LMTK3: variants seen among roughly 807,000 people sequenced by gnomAD.
LMTK3 encodes serine/threonine-protein kinase LMTK3.
In LMTK3, 27 loss-of-function variants were observed where a neutral mutation model predicts 116.7. The ratio of observed to expected loss-of-function variants is 0.23; its 90% CI spans 0.17 to 0.32. The LOEUF (loss-of-function observed/expected upper bound fraction) is 0.32, where lower values mean the gene tolerates loss of function less well. LMTK3 is among the 10% of genes least tolerant of loss of function. The pLI, the probability that LMTK3 is intolerant of heterozygous loss-of-function variation, is 1.00. For synonymous variants in LMTK3, 965 were observed against 971.0 expected (o/e 0.99, Z 0.11); for missense variants, 1,764 against 2,068.5 (o/e 0.85, Z 2.86).
At position 48,497,991 on chromosome 19, in the gene LMTK3, G is replaced by C; in HGVS notation, c.3078C>G (p.Ala1026=). ...CGGGCGTCTTCTCCCAGGGCCCTGGGGCTCTCCAAGGCCCAGTCTCTGGTG... is the reference window on the plus strand; with the variant it reads ...CGGGCGTCTTCTCCCAGGGCCCTGGCGCTCTCCAAGGCCCAGTCTCTGGTG... The part of the protein sequence containing the change: ...ERPPETGPWR[A]PGPWEKTPES... The change falls in exon 11 of 15, where the codon GCC becomes GCG. Residue 1026 remains alanine, a synonymous_variant. Transcript: ENST00000600059. The surrounding 1 kb of genome is among the most constrained non-coding windows in gnomAD (Gnocchi z 5.7). 6.2e-7 allele frequency: 1 copy of C among 1,609,574 alleles called. No homozygotes were observed. The highest frequency in any genetic ancestry group is 8.5e-7 in the Non-Finnish European group (1 of 1,178,520).
Position 48,510,150 on chromosome 19 carries a change from C to T in LMTK3, c.234G>A (p.Glu78=), listed in dbSNP as rs1179931145. ...GGGGAGTGTACTCCCCGGAGCAGTCCTCCCCTTCAGGGTTCTCAAATTCCT... is the reference window on the plus strand; with the variant it reads ...GGGGAGTGTACTCCCCGGAGCAGTCTTCCCCTTCAGGGTTCTCAAATTCCT... The part of the protein sequence containing the change: ...GFKEFENPEG[E]DCSGEYTPPA... The change falls in exon 3 of 15, where the codon GAG becomes GAA. Residue 78 remains glutamate, a synonymous_variant. Transcript: ENST00000600059. The T allele has an allele frequency of 6.8e-6, 11 of 1,613,672 alleles. No individual in the cohort carries two copies. The highest frequency in any genetic ancestry group is 9.3e-6 in the Non-Finnish European group (11 of 1,179,676).
chr19:48,501,371 T>C lies in LMTK3; in HGVS notation c.913A>G (p.Ile305Val). ...DYYLTPERLWIPLRWAAPELL... is the reference protein window; with the variant it reads ...DYYLTPERLWVPLRWAAPELL... Reference sequence around the variant, plus strand: ...TCGGGCGCCGCCCAGCGCAGTGGGATCCACAGGCGCTCTGGGGTCAGGTAG... The same window carrying C: ...TCGGGCGCCGCCCAGCGCAGTGGGACCCACAGGCGCTCTGGGGTCAGGTAG... The change falls in exon 9 of 15, where the codon ATC (isoleucine) becomes GTC (valine). Residue 305 changes from isoleucine (I) to valine (V), a missense_variant. This residue lies in a region of LMTK3 where 271 missense variants were observed against 478.2 expected (regional missense o/e 0.57). Coordinates refer to ENST00000600059, the MANE Select transcript of LMTK3 (RefSeq NM_001388485.1). 1 of 1,613,132 alleles carries C rather than the reference T, an allele frequency of 6.2e-7. No individual in the cohort carries two copies. The highest frequency in any genetic ancestry group is 8.5e-7 in the Non-Finnish European group (1 of 1,179,732).
chr19:48,493,789 G>C lies in LMTK3; in HGVS notation c.3997C>G (p.Pro1333Ala). 1 of 1,536,622 alleles carries C rather than the reference G, an allele frequency of 6.5e-7. No homozygotes were observed. The highest frequency in any genetic ancestry group is 8.8e-7 in the Non-Finnish European group (1 of 1,142,200). ...TCCTCTGGCTCGTCGGCCCCGCGCG[G>C]AGACTTGAGCAGCCCCCGCAGCGGG... Reference protein sequence around the residue: ...ARPLRGLLKSPRGADEPEDSE... With the variant: ...ARPLRGLLKSARGADEPEDSE... The change falls in exon 12 of 15, where the codon CCG becomes GCG. Residue 1333 changes from proline (P) to alanine (A), a missense_variant. Transcript: ENST00000600059.
rs749142865 is a variant in LMTK3, at chr19:48,491,266, G to T, written c.4229-21C>A. 2.2e-6 allele frequency: 3 copies of T among 1,387,950 alleles called. No homozygotes were observed. Among genetic ancestry groups the T allele is most frequent in the South Asian group, 1.7e-5 (1 of 59,682 alleles). The allele number at this position is 1,387,950 out of a possible 1,614,324, so 86.0% of individuals were successfully genotyped here. ...GCCTCCTGCGGCAGAAGGAAAGACC[G>T]CGGTCAGGCTGCAGACACCTGCGGC... On this transcript the variant is annotated intron_variant, in intron 13 of 14. Coordinates refer to ENST00000600059, the MANE Select transcript of LMTK3 (RefSeq NM_001388485.1). This position sits in a 1 kb window ranked among gnomAD's most constrained non-coding sequence, Gnocchi z 5.1.
chr19:48,495,441 C>T lies in LMTK3; in HGVS notation c.3677-1332G>A, dbSNP rs145271328. Among the ~76,000 whole-genome samples the T allele has an allele frequency of 3.9e-4, 60 of 152,288 alleles. No homozygotes were observed. In the East Asian group the frequency reaches 9.4e-3, roughly 24 times the overall value. ...GATGAGTAGTTCACTTGGGAAAAAG[C>T]GGGCCATTCTCTGCCTCTTTTCACC... On this transcript the variant is annotated intron_variant, in intron 11 of 14. Coordinates refer to ENST00000600059, the MANE Select transcript of LMTK3 (RefSeq NM_001388485.1).
rs1601048699 is a variant in LMTK3, at chr19:48,498,750, A to C, written c.2319T>G (p.Pro773=). The stretch of plus-strand genomic sequence containing the variant: ...CTGAACCGGGACTGGCCACGGCCGA[A>C]GGGGGGTCGGGGGACGCGGCCGGGT... ...PADPAASPDP[P]SAVASPGSGL... Residue 773 remains proline (P), a synonymous_variant, in exon 11 of 15, where the codon CCT becomes CCG. Coordinates refer to ENST00000600059, the MANE Select transcript of LMTK3 (RefSeq NM_001388485.1). The C allele has an allele frequency of 1.7e-6, 2 of 1,144,140 alleles. No homozygotes were observed. Among genetic ancestry groups the C allele is most frequent in the Non-Finnish European group, 1.1e-6 (1 of 918,316 alleles). 70.9% of individuals were successfully genotyped at this position (1,144,140 alleles called of 1,614,324 possible). A position where few individuals can be genotyped will look rare whatever the true frequency, so the allele number is the denominator to read the frequency against.
chr19:48,505,448 G>C (rs1039762146), intron 5 of LMTK3, among the ~76,000 whole-genome samples: 3 of 152,088 alleles, frequency 2.0e-5, no homozygotes, highest in African/African-American at 4.8e-5. Context: ...TTTCTGGCTT[G>C]GTCTGGTGGC....
rs1247280394 is a variant in LMTK3, at chr19:48,508,841, C to T, written c.557+10G>A. On this transcript the variant is annotated intron_variant, in intron 5 of 14. Transcript: ENST00000600059. ...AACAAGGCACACACCCACTGAGAAACCCTCAGTACCTGTACGGCTGTGCTT... is the reference window on the plus strand; with the variant it reads ...AACAAGGCACACACCCACTGAGAAATCCTCAGTACCTGTACGGCTGTGCTT... The T allele has an allele frequency of 1.3e-6, 2 of 1,599,940 alleles. No individual in the cohort carries two copies. The highest frequency in any genetic ancestry group is 2.2e-5 in the South Asian group (2 of 90,786).
At position 48,495,000 on chromosome 19, in the gene LMTK3, G is replaced by A. The variant is rs922255896; in HGVS notation, c.3677-891C>T. On this transcript the variant is annotated intron_variant, in intron 11 of 14. Transcript: ENST00000600059. The surrounding 1 kb of genome is among the most constrained non-coding windows in gnomAD (Gnocchi z 4.0). ...GGGGTTATGGGCGATGCTTCATAGAGGGAGTGTTTTTTTTGTTTTTTTTTT... is the reference window on the plus strand; with the variant it reads ...GGGGTTATGGGCGATGCTTCATAGAAGGAGTGTTTTTTTTGTTTTTTTTTT... Among the ~76,000 whole-genome samples, 18 of 151,310 alleles carry A rather than the reference G, an allele frequency of 1.2e-4. No individual in the cohort carries two copies. The highest frequency in any genetic ancestry group is 3.4e-4 in the African/African-American group (14 of 40,974).
At chr19:48,509,946 C>G in intron 3 of LMTK3, 77 bp downstream of exon 3, 1 of 1,541,552 alleles carries the variant, frequency 6.5e-7, no homozygotes, top group Non-Finnish European at 8.8e-7. Flanking sequence ...CCGCCCCAGC[C>G]CCTGAAGGAA....
rs757177302 is a variant in LMTK3, at chr19:48,498,492, C to G, written c.2577G>C (p.Thr859=). The G allele has an allele frequency of 6.3e-7, 1 of 1,597,054 alleles. No individual in the cohort carries two copies. The highest frequency in any genetic ancestry group is 8.5e-7 in the Non-Finnish European group (1 of 1,171,704). ...EKPTFVVQVS[T]EQLLMSLRED... is the part of the protein sequence containing the mutation. ...CCCGCAGGGACATCAGCAGCTGTTC[C>G]GTGCTCACTTGAACCACGAAGGTCG... Residue 859 remains threonine (T), a synonymous_variant, in exon 11 of 15, where the codon ACG becomes ACC. Transcript: ENST00000600059.
chr19:48,494,245 C>T lies in LMTK3; in HGVS notation c.3677-136G>A. 1 of 411,022 alleles carries T rather than the reference C, an allele frequency of 2.4e-6. No homozygotes were observed. The highest frequency in any genetic ancestry group is 3.5e-6 in the Non-Finnish European group (1 of 282,394). 25.5% of individuals were successfully genotyped at this position (411,022 alleles called of 1,614,324 possible). A position where few individuals can be genotyped will look rare whatever the true frequency, so the allele number is the denominator to read the frequency against. ...CCACTTTGTGAACGGAAGGGCTGCA[C>T]CAGGGCTTCTCCAGGCAGGGTGGGA... On this transcript the variant is annotated intron_variant, in intron 11 of 14. Transcript: ENST00000600059. The surrounding 1 kb of genome is among the most constrained non-coding windows in gnomAD (Gnocchi z 4.0).
In LMTK3 at chr19:48,502,490, A is replaced by G. The variant is rs1160710972; in HGVS notation, c.737T>C (p.Met246Thr). ...CAGCCCGCGGGCGATCTCCAGGCCC[A>G]TCCTCTGCAGCGTCCGCAGGTCTCG... ...PPRDLRTLQR[M>T]GLEIARGLAH... is the part of the protein sequence containing the mutation. Residue 246 changes from methionine (M) to threonine (T), a missense_variant, in exon 7 of 15, where the codon ATG becomes ACG. Physicochemically the swap from Met to Thr is moderately conservative, Grantham distance 81 (BLOSUM62 -1). Coordinates refer to ENST00000600059, the MANE Select transcript of LMTK3 (RefSeq NM_001388485.1). The G allele has an allele frequency of 6.2e-7, 1 of 1,610,872 alleles. No homozygotes were observed. Among genetic ancestry groups the G allele is most frequent in the Admixed American group, 1.7e-5 (1 of 59,864 alleles).
In LMTK3 at chr19:48,485,712, ACAGAGGATTC is replaced by A. The variant is rs1353285320; in HGVS notation, c.*51_*60del. 6.3e-7 allele frequency: 1 copy of A among 1,576,192 alleles called. No individual in the cohort carries two copies. Among genetic ancestry groups the A allele is most frequent in the Non-Finnish European group, 8.7e-7 (1 of 1,155,062 alleles). ...GGTGGTGGCAGTGGCGCCGTCATCC[ACAGAGGATTC>A]CATTCTCAACCCCTCTTCTGAGGGT... is the stretch of plus-strand genomic sequence containing the variant. On this transcript the variant is annotated 3_prime_UTR_variant, in exon 15 of 15. Transcript: ENST00000600059.
chr19:48,509,111 C>A, intron 4 of LMTK3, 142 bp from the exon 5 acceptor site: 1 of 628,136 alleles, frequency 1.6e-6, no homozygotes, highest in East Asian at 2.7e-5. Context: ...TTGACCCCCA[C>A]CAGACATGGG....
In LMTK3 at chr19:48,491,406, A is replaced by G. The variant is rs1972221641; in HGVS notation, c.4226T>C (p.Phe1409Ser). The change falls in exon 13 of 15, where the codon TTT becomes TCT. Residue 1409 changes from phenylalanine to serine, a missense_variant and splice_region_variant. Phe to Ser is a radical substitution (Grantham distance 155, BLOSUM62 -2). Around this residue, in one of 7 missense-constraint regions of LMTK3, gnomAD observed 281 missense variants for 301.4 expected, o/e 0.93. Transcript: ENST00000600059. The surrounding 1 kb of genome is among the most constrained non-coding windows in gnomAD (Gnocchi z 5.1). ...CGCCCCATAGGGCCCGTCCTCACCA[A>G]AGCCGCTGTCGTTGCTGGGAAACCC... ...GDGFPSNDSG[F>S]GGSFEWAEDF... is the part of the protein sequence containing the mutation. 7.1e-7 allele frequency: 1 copy of G among 1,407,796 alleles called. No homozygotes were observed. The allele number at this position is 1,407,796 out of a possible 1,614,324, so 87.2% of individuals were successfully genotyped here.
Position 48,498,444 on chromosome 19 carries a change from C to G in LMTK3, c.2625G>C (p.Leu875=). 1 of 1,604,968 alleles carries G rather than the reference C, an allele frequency of 6.2e-7. No individual in the cohort carries two copies. The highest frequency in any genetic ancestry group is 8.5e-7 in the Non-Finnish European group (1 of 1,175,860). Residue 875 remains leucine (L), a synonymous_variant, in exon 11 of 15, where the codon CTG becomes CTC. Coordinates refer to ENST00000600059, the MANE Select transcript of LMTK3 (RefSeq NM_001388485.1). ...SLREDVTRNL[L]GEKGATARET... is the part of the protein sequence containing the mutation. Reference sequence around the variant, plus strand: ...CCCGGGCTGTCGCCCCCTTCTCCCCCAGGAGGTTCCTTGTCACATCCTCCC... The same window carrying G: ...CCCGGGCTGTCGCCCCCTTCTCCCCGAGGAGGTTCCTTGTCACATCCTCCC...
rs1388728282 is a variant in LMTK3 at position 48,498,711 on chromosome 19, C to T, written c.2358G>A (p.Pro786=). The T allele has an allele frequency of 2.6e-6, 4 of 1,528,614 alleles. No homozygotes were observed. The highest frequency in any genetic ancestry group is 2.8e-5 in the African/African-American group (2 of 71,954). The allele number at this position is 1,528,614 out of a possible 1,614,324, so 94.7% of individuals were successfully genotyped here. A position where few individuals can be genotyped will look rare whatever the true frequency, so the allele number is the denominator to read the frequency against. ...AGCCGCTGTCCCCCGGCTTGGGGCCCGGCGACGAGAGGCCTGAACCGGGAC... is the reference window on the plus strand; with the variant it reads ...AGCCGCTGTCCCCCGGCTTGGGGCCTGGCGACGAGAGGCCTGAACCGGGAC... ...VASPGSGLSS[P]GPKPGDSGYE... is the part of the protein sequence containing the mutation. The change falls in exon 11 of 15, where the codon CCG becomes CCA. Residue 786 remains proline, a synonymous_variant. Coordinates refer to ENST00000600059, the MANE Select transcript of LMTK3 (RefSeq NM_001388485.1).
rs1972233365 is a variant in LMTK3, at chr19:48,491,856, G to C, written c.4093-317C>G. ...TCCACCGGATCCCCTAACCCAAAGC[G>C]ATCTCCATAAGCCCCACCCCGTCCA... is the stretch of plus-strand genomic sequence containing the variant. On this transcript the variant is annotated intron_variant, in intron 12 of 14. Coordinates refer to ENST00000600059, the MANE Select transcript of LMTK3 (RefSeq NM_001388485.1). This position sits in a 1 kb window ranked among gnomAD's most constrained non-coding sequence, Gnocchi z 5.1. 6.6e-6 allele frequency among the ~76,000 whole-genome samples: 1 copy of C among 151,976 alleles called. No homozygotes were observed. The highest frequency in any genetic ancestry group is 6.6e-5 in the Admixed American group (1 of 15,250).
Sources: allele counts gnomAD v4.1 joint callset (sites outside exome capture counted in the v4.1 genomes callset), GRCh38; gene constraint gnomAD v4.1.1; regional missense constraint gnomAD v4.1.1; non-coding constraint Gnocchi (gnomAD v3.1); transcripts MANE v1.5; gene names NCBI Gene and HGNC (gene_info 2026-07-23, HGNC 2026-07-21).